The following WDR27 variants were observed in gnomAD, a reference collection of about 807,000 sequenced individuals.
WDR27 encodes the protein WD repeat-containing protein 27.
In WDR27, 100 loss-of-function variants were observed where a neutral mutation model predicts 114.4. The ratio of observed to expected loss-of-function variants is 0.87; its 90% confidence interval spans 0.74 to 1.03. The LOEUF is 1.03. Among genes scored for constraint, WDR27 ranks in the 50% least tolerant of loss-of-function variants. WDR27 has a pLI of 0.00. For synonymous variants in WDR27, 449 were observed against 423.1 expected (o/e 1.06, Z -0.75); for missense variants, 1,129 against 1,092.9 (o/e 1.03, Z -0.47).
At chr6:169,475,470 G>A (rs11752539) in intron 25 of WDR27, among the ~76,000 whole-genome samples, 9 of 152,208 alleles carry the variant, frequency 5.9e-5, no homozygotes, top group South Asian at 2.1e-4. Context: ...TGATCCACCC[G>A]CCTCAGCCTC....
At chr6:169,580,975 G>A (rs1002779200) in intron 24 of WDR27, among the ~76,000 whole-genome samples, 12 of 137,152 alleles carry the variant, frequency 8.7e-5, no homozygotes, top group South Asian at 2.4e-4. Flanking sequence ...ATATAAATTC[G>A]GTATATGATA....
rs1251704077 is a variant in WDR27 at position 169,649,230 on chromosome 6, T to C, written c.1527A>G (p.Lys509=). ...SPKTNIKSEG[K]GSSRSRSSCA... ...AGCTGCTCCTGCTCCTTGAAGATCC[T>C]TTCCCCTCACTCTTGATGTTGGTCT... The change falls in exon 15 of 26, where the codon AAA becomes AAG. Residue 509 remains lysine (K), a synonymous_variant. Coordinates refer to ENST00000448612, the MANE Select transcript of WDR27 (RefSeq NM_182552.5). 6.3e-7 allele frequency: 1 copy of C among 1,578,774 alleles called. No individual in the cohort carries two copies. The highest frequency in any genetic ancestry group is 1.8e-5 in the Admixed American group (1 of 54,990).
intron 6 of WDR27, among the ~76,000 whole-genome samples, chr6:169,665,937 T>C (rs1165632868): frequency 6.6e-6 from 1 of 152,194 alleles, no homozygotes; most frequent in African/African-American, 2.4e-5. Flanking sequence ...ACGTTGCACT[T>C]GGAGCAGAAG....
intron 21 of WDR27, among the ~76,000 whole-genome samples, chr6:169,621,626 A>G (rs753590528): frequency 1.2e-4 from 18 of 152,044 alleles, no homozygotes; most frequent in Non-Finnish European, 2.2e-4. Context: ...ACGCATATAC[A>G]TACCCACACA....
the WDR27 span, among the ~76,000 whole-genome samples, chr6:169,433,293 AT>A: frequency 1.6e-4 from 25 of 152,146 alleles, no homozygotes; most frequent in East Asian, 9.7e-4. Context: ...CCCTGTTTCC[AT>A]GTGTTCTCAT....
chr6:169,564,465 G>A (rs74709917), intron 25 of WDR27, among the ~76,000 whole-genome samples: 5,088 of 152,290 alleles, frequency 0.033, 122 homozygotes, highest in Non-Finnish European at 0.056. Context: ...TCACCATCAC[G>A]GTGGCACAGG....
In WDR27 at chr6:169,619,150, T is replaced by C. The variant is rs78710770; in HGVS notation, c.2224-5494A>G. Among the ~76,000 whole-genome samples the C allele has an allele frequency of 1.5e-3, 224 of 152,326 alleles. 2 individuals are homozygous for C. In the East Asian group the frequency reaches 0.036, roughly 25 times the overall value. ...TCATTGCTCAAGCTGTTGAAAAATG[T>C]AGACATTTTAAGCAGTTTCCTAAAG... On this transcript the variant is annotated intron_variant, in intron 21 of 25. Transcript: ENST00000448612.
intron 25 of WDR27, among the ~76,000 whole-genome samples, chr6:169,548,739 T>C (rs989394490): frequency 1.3e-5 from 2 of 152,004 alleles, no homozygotes; most frequent in African/African-American, 4.8e-5. Flanking sequence ...AGCCCAGAAA[T>C]AGACCCACAT....
chr6:169,503,532 G>A lies in WDR27; in HGVS notation c.2646-45898C>T, dbSNP rs568669215. On this transcript the variant is annotated intron_variant, in intron 25 of 25. Transcript: ENST00000448612. ...TTCTCTTTCTAGGCTTCCAAGAGCC[G>A]TCCCCAGACACTACAGCCTGTCATC... Among the ~76,000 whole-genome samples, 57 of 152,250 alleles carry A rather than the reference G, an allele frequency of 3.7e-4. No individual in the cohort carries two copies. In the South Asian group the frequency reaches 0.011, roughly 29 times the overall value.
intron 25 of WDR27, among the ~76,000 whole-genome samples, chr6:169,507,626 A>G (rs117619224): frequency 1.3e-5 from 2 of 152,342 alleles, no homozygotes; most frequent in East Asian, 1.9e-4. Context: ...AACTTTCAGG[A>G]AAGTTTTCAG....
At chr6:169,527,890 A>G (rs1272210859) in intron 25 of WDR27, among the ~76,000 whole-genome samples, 3 of 152,210 alleles carry the variant, frequency 2.0e-5, no homozygotes, top group Non-Finnish European at 4.4e-5. Flanking sequence ...ATCAAAATTG[A>G]TAGACTGGCT....
chr6:169,554,175 G>A (rs555757690), intron 25 of WDR27, among the ~76,000 whole-genome samples: 15 of 152,306 alleles, frequency 9.8e-5, no homozygotes, highest in African/African-American at 2.4e-4. Context: ...GGCTAGAAGC[G>A]GGTGGTCATG....
chr6:169,641,715 C>T (rs1819221787), intron 17 of WDR27, among the ~76,000 whole-genome samples: 1 of 152,216 alleles, frequency 6.6e-6, no homozygotes, highest in Non-Finnish European at 1.5e-5. Flanking sequence ...CGCATCTTCA[C>T]TTCATACTTG....
At chr6:169,638,769 A>C in intron 17 of WDR27, 109 bp from the exon 18 acceptor site, 1 of 1,404,506 alleles carries the variant, frequency 7.1e-7, no homozygotes, top group Non-Finnish European at 9.6e-7. Context: ...AGCATTTTTC[A>C]AGTAATTAGG....
At chr6:169,478,368 T>C (rs963807050) in intron 25 of WDR27, among the ~76,000 whole-genome samples, 4 of 152,202 alleles carry the variant, frequency 2.6e-5, no homozygotes, top group Non-Finnish European at 4.4e-5. Flanking sequence ...AAAGAAATTA[T>C]GTCAAAAATT....
chr6:169,672,509 T>C, intron 2 of WDR27, 113 bp from the exon 3 acceptor site: 6 of 1,073,018 alleles, frequency 5.6e-6, no homozygotes, highest in Non-Finnish European at 7.7e-6. Flanking sequence ...AATACATTTA[T>C]CTTACATATT....
At chr6:169,583,279 C>T (rs1475333171) in intron 23 of WDR27, among the ~76,000 whole-genome samples, 6 of 131,408 alleles carry the variant, frequency 4.6e-5, no homozygotes, top group East Asian at 2.2e-4. Flanking sequence ...TTCAACCTTA[C>T]CTTGAAGTTC....
intron 1 of WDR27, among the ~76,000 whole-genome samples, chr6:169,696,092 C>T (rs1010448813): frequency 2.0e-5 from 3 of 152,206 alleles, no homozygotes; most frequent in African/African-American, 7.2e-5. Context: ...TGTTTTAAAC[C>T]ACCAAATCTG....
chr6:169,688,930 C>A lies in WDR27; in HGVS notation c.76G>T (p.Glu26Ter). Residue 26 changes from glutamate to a stop codon, truncating the protein, a stop_gained, in exon 2 of 26, where the codon GAA (glutamate) becomes TAA (stop). Transcript: ENST00000448612. LOFTEE classifies it high-confidence loss of function. Reference sequence around the variant, plus strand: ...ACATGAGACACAGACTCCTTGGATTCAACCAGGTATTTTTCTATAACTATA... The same window carrying A: ...ACATGAGACACAGACTCCTTGGATTAAACCAGGTATTTTTCTATAACTATA... Reference protein sequence around the residue: ...SDIVIEKYLVESKESVSHVQL... With the variant: ...SDIVIEKYLV 1 of 1,613,942 alleles carries A rather than the reference C, an allele frequency of 6.2e-7. No homozygotes were observed.
Sources: gnomAD v4.1 joint callset for allele counts (sites outside exome capture counted in the v4.1 genomes callset) on GRCh38, gnomAD v4.1.1 for gene constraint, MANE v1.5 for transcripts, NCBI Gene and HGNC (gene_info 2026-07-23, HGNC 2026-07-21) for gene names.